Variants in AKAP12 observed in about 807,000 individuals in gnomAD.
The protein encoded by AKAP12 is A-kinase anchor protein 12.
Under a neutral mutation model 79.9 loss-of-function variants are expected in AKAP12, and 32 were observed. That is an observed-to-expected ratio of 0.40 (90% CI 0.30 to 0.54). The LOEUF is 0.54. Among genes scored for constraint, AKAP12 ranks in the 20% least tolerant of loss-of-function variants. AKAP12 has a pLI of 0.48. For missense variants in AKAP12, 2,074 were observed against 2,177.0 expected (o/e 0.95, Z 0.94); for synonymous variants, 808 against 857.0 (o/e 0.94, Z 1.00).
intron 3 of AKAP12, among the ~76,000 whole-genome samples, chr6:151,314,916 G>A (rs969586275): frequency 6.6e-6 from 1 of 152,076 alleles, no homozygotes; most frequent in East Asian, 1.9e-4. Flanking sequence ...GCCCGGCATG[G>A]TGGCATGCAG....
chr6:151,315,925 A>G (rs577576841), intron 3 of AKAP12, among the ~76,000 whole-genome samples: 7 of 152,254 alleles, frequency 4.6e-5, no homozygotes, highest in African/African-American at 1.7e-4. Flanking sequence ...TCTCATGAGA[A>G]CTCACTCACT....
At chr6:151,299,389 C>T (rs569360912) in intron 2 of AKAP12, among the ~76,000 whole-genome samples, 22 of 152,062 alleles carry the variant, frequency 1.4e-4, no homozygotes, top group Non-Finnish European at 3.1e-4. Context: ...AAAAGGAAAC[C>T]GTGTCTGTTC....
chr6:151,244,527 G>C (rs370325306), intron 2 of AKAP12, among the ~76,000 whole-genome samples: 9 of 151,240 alleles, frequency 6.0e-5, no homozygotes, highest in African/African-American at 9.7e-5. Context: ...CTGTCTCAAA[G>C]AAACAAACAA....
chr6:151,330,850 T>TCTC (rs1777648423), intron 3 of AKAP12, among the ~76,000 whole-genome samples: 1 of 152,154 alleles, frequency 6.6e-6, no homozygotes, highest in Non-Finnish European at 1.5e-5. Context: ...ACACGGGCTG[T>TCTC]CTCTACATTA....
chr6:151,244,381 A>G (rs1431100792), intron 2 of AKAP12, among the ~76,000 whole-genome samples: 2 of 152,104 alleles, frequency 1.3e-5, no homozygotes, highest in Non-Finnish European at 2.9e-5. Context: ...AAAATTAGCC[A>G]GGCGTGGTGG....
chr6:151,290,981 T>C (rs1465499176), intron 2 of AKAP12, among the ~76,000 whole-genome samples: 1 of 152,220 alleles, frequency 6.6e-6, no homozygotes, highest in Admixed American at 6.5e-5. Context: ...TTAGTCCTTC[T>C]AGGTTCTCCC....
intron 2 of AKAP12, among the ~76,000 whole-genome samples, chr6:151,248,964 G>A (rs998015184): frequency 6.6e-6 from 1 of 151,994 alleles, no homozygotes; most frequent in Non-Finnish European, 1.5e-5. Flanking sequence ...TCCAGCCTGG[G>A]CGACAGAGCA....
chr6:151,294,961 C>T (rs1165335456), intron 2 of AKAP12, among the ~76,000 whole-genome samples: 1 of 152,164 alleles, frequency 6.6e-6, no homozygotes, highest in South Asian at 2.1e-4. Context: ...TCAGAATGCA[C>T]ATTAAAGAGT....
intron 2 of AKAP12, among the ~76,000 whole-genome samples, chr6:151,248,576 G>A (rs1797118421): frequency 6.6e-6 from 1 of 152,174 alleles, no homozygotes; most frequent in Non-Finnish European, 1.5e-5. Context: ...GAACTTGTGT[G>A]GGTGAGAGGG....
At chr6:151,339,995 C>A (rs1777907920) in intron 3 of AKAP12, among the ~76,000 whole-genome samples, 1 of 151,828 alleles carries the variant, frequency 6.6e-6, no homozygotes. Flanking sequence ...GGCGCGATCT[C>A]AGCTCACTGC....
rs979438335 is a variant in AKAP12, at chr6:151,286,943, CT to C, written c.163-18791del. Among the ~76,000 whole-genome samples, 1,054 of 145,842 alleles carry C rather than the reference CT, an allele frequency of 7.2e-3. 8 individuals carry two copies. Among genetic ancestry groups the C allele is most frequent in the African/African-American group, 0.02 (810 of 40,194 alleles). On this transcript the variant is annotated intron_variant, in intron 2 of 4. Coordinates refer to ENST00000402676, the MANE Select transcript of AKAP12 (RefSeq NM_005100.4). ...GGGTAAGCATATTTTCTTTTTCTTT[CT>C]TTTTTTTTTTTTGAGACGGAGTCTC...
At chr6:151,299,062 A>ATGGGTACATAATGCAT in intron 2 of AKAP12, 1 of 152,238 alleles carries the variant, frequency 6.6e-6, no homozygotes, top group South Asian at 2.1e-4. Flanking sequence ...CACTTGTGAA[A>ATGGGTACATAATGCAT]TGGGTACATA....
intron 3 of AKAP12, chr6:151,325,745 A>C (rs1582882755): frequency 1.9e-6 from 3 of 1,572,590 alleles, no homozygotes; most frequent in Non-Finnish European, 2.6e-6. Flanking sequence ...CTGGGCGCTC[A>C]GTCCGCTCTG....
At chr6:151,272,777 C>T (rs1360490090) in intron 2 of AKAP12, among the ~76,000 whole-genome samples, 2 of 152,196 alleles carry the variant, frequency 1.3e-5, no homozygotes, top group Non-Finnish European at 2.9e-5. Flanking sequence ...AGTGATCCAC[C>T]CGCCTTGGCC....
intron 2 of AKAP12, among the ~76,000 whole-genome samples, chr6:151,271,114 G>A (rs971327805): frequency 5.9e-5 from 9 of 152,106 alleles, no homozygotes; most frequent in African/African-American, 1.9e-4. Flanking sequence ...CAAATATGCC[G>A]AAGCAGTTTC....
chr6:151,252,712 A>G (rs534176371), intron 2 of AKAP12, among the ~76,000 whole-genome samples: 2 of 148,218 alleles, frequency 1.3e-5, no homozygotes, highest in Admixed American at 1.4e-4. Flanking sequence ...TGGACAAGAT[A>G]CCAAGACCCC....
At chr6:151,257,977 G>T (rs1303572902) in intron 2 of AKAP12, among the ~76,000 whole-genome samples, 6 of 152,052 alleles carry the variant, frequency 3.9e-5, no homozygotes, top group Admixed American at 3.3e-4. Context: ...TTTATTTTTT[G>T]GTCTCCAGTA....
chr6:151,250,719 C>A (rs1797157782), intron 2 of AKAP12, among the ~76,000 whole-genome samples: 1 of 151,294 alleles, frequency 6.6e-6, no homozygotes, highest in African/African-American at 2.4e-5. Context: ...CATTCTCCTG[C>A]CTCAGCCTCC....
Position 151,256,895 on chromosome 6 carries a change from T to C in AKAP12, c.162+16171T>C, listed in dbSNP as rs898528750. Among the ~76,000 whole-genome samples the C allele has an allele frequency of 2.7e-5, 4 of 150,860 alleles. No homozygotes were observed. In the East Asian group the frequency reaches 7.7e-4, roughly 29 times the overall value. Reference sequence around the variant, plus strand: ...AACTCCTGACTTCAGGTGATCTGCCTGCCTCGGCCTCCCAACGTGTTGGGA... The same window carrying C: ...AACTCCTGACTTCAGGTGATCTGCCCGCCTCGGCCTCCCAACGTGTTGGGA... On this transcript the variant is annotated intron_variant, in intron 2 of 4. Coordinates refer to ENST00000402676, the MANE Select transcript of AKAP12 (RefSeq NM_005100.4).
Sources: allele counts gnomAD v4.1 joint callset (sites outside exome capture counted in the v4.1 genomes callset), GRCh38; gene constraint gnomAD v4.1.1; transcripts MANE v1.5; gene names NCBI Gene and HGNC (gene_info 2026-07-23, HGNC 2026-07-21).